RNF135: variants seen among roughly 807,000 people sequenced by gnomAD.
RNF135 encodes E3 ubiquitin-protein ligase RNF135.
A neutral mutation model predicts 41.9 loss-of-function variants in RNF135; 46 were observed. The ratio of observed to expected loss-of-function variants is 1.10; its 90% CI spans 0.87 to 1.40. The LOEUF is 1.40. Ranked by LOEUF, RNF135 falls within the 40% of genes most tolerant of loss-of-function variation. The pLI, the probability that RNF135 is intolerant of heterozygous loss-of-function variation, is 0.00. For missense variants in RNF135, 539 were observed against 549.8 expected, an observed-to-expected ratio of 0.98 and a Z score of 0.20; for synonymous variants, 238 against 223.8, an observed-to-expected ratio of 1.06 and a Z score of -0.57.
chr17:30,967,665 G>A (rs1368474973), upstream of RNF135, among the ~76,000 whole-genome samples: 1 of 151,558 alleles, frequency 6.6e-6, no homozygotes, highest in Admixed American at 6.6e-5. Context: ...AAATGGAATG[G>A]AAATACAAGT....
At chr17:30,962,711 G>GAT in the RNF135 span, among the ~76,000 whole-genome samples, 13 of 145,266 alleles carry the variant, frequency 8.9e-5, no homozygotes, top group East Asian at 2.1e-3. Flanking sequence ...TGATCTGCCT[G>GAT]CCTGGGCCTC....
In RNF135 at chr17:30,998,791, GC is replaced by G. The variant is rs773691749; in HGVS notation, c.901del (p.Gln301ArgfsTer34). ...TGGAGCTGTGAGAGGTTTTCTACCA[GC>G]CAGGTCTTATGTTCCCAGGCCCTGT... ...YRWSCERFSTSQVLCSQALSS... is the reference protein window; with the variant it reads ...YRWSCERFSTXQVLCSQALSS... On this transcript the variant is annotated frameshift_variant, in exon 5 of 5. Coordinates refer to ENST00000328381, the MANE Select transcript of RNF135 (RefSeq NM_032322.4). LOFTEE classifies it high-confidence loss of function. The G allele has an allele frequency of 3.9e-4, 631 of 1,613,308 alleles. No individual in the cohort carries two copies. The highest frequency in any genetic ancestry group is 5.2e-4 in the Non-Finnish European group (608 of 1,179,790).
chr17:30,975,103 G>C (rs539221565), intron 1 of RNF135, among the ~76,000 whole-genome samples: 4 of 151,344 alleles, frequency 2.6e-5, no homozygotes, highest in African/African-American at 9.7e-5. Context: ...AGCCTGGGCA[G>C]CATGGTGAGA....
In RNF135 at chr17:30,971,299, A is replaced by C. The variant is rs1905899121; in HGVS notation, c.226A>C (p.Thr76Pro). The C allele has an allele frequency of 2.0e-6, 3 of 1,530,408 alleles. No individual in the cohort carries two copies. The highest frequency in any genetic ancestry group is 1.8e-6 in the Non-Finnish European group (2 of 1,142,346). 94.8% of individuals were successfully genotyped at this position (1,530,408 alleles called of 1,614,324 possible). A position where few individuals can be genotyped will look rare whatever the true frequency, so the allele number is the denominator to read the frequency against. The stretch of plus-strand genomic sequence containing the variant: ...GCAGCAGCCGCACCTGCGGAAGAAC[A>C]CGCTACTGCAGGACCTGGCCGACAA... ...AAQQPHLRKN[T>P]LLQDLADKYR... is the part of the protein sequence containing the mutation. The change falls in exon 1 of 5, where the codon ACG becomes CCG. Residue 76 changes from threonine (T) to proline (P), a missense_variant. By Grantham distance (38) the Thr-to-Pro change is conservative. Around this residue, in one of 2 missense-constraint regions of RNF135, gnomAD observed 277 missense variants for 212.8 expected, o/e 1.30. Transcript: ENST00000328381.
rs1905851109 is a variant in RNF135, at chr17:30,971,040, A to G, written c.-34A>G. 6 of 1,532,810 alleles carry G rather than the reference A, an allele frequency of 3.9e-6. No individual in the cohort carries two copies. The East Asian group carries it at 1.5e-4, about 38-fold the overall frequency. 95.0% of individuals were successfully genotyped at this position (1,532,810 alleles called of 1,614,324 possible). A position where few individuals can be genotyped will look rare whatever the true frequency, so the allele number is the denominator to read the frequency against. ...AGCCTGAGGAGACTCGCCCGGCTCAACCCCGACGTCCGCGCCCCGGCCGCC... is the reference window on the plus strand; with the variant it reads ...AGCCTGAGGAGACTCGCCCGGCTCAGCCCCGACGTCCGCGCCCCGGCCGCC... On this transcript the variant is annotated 5_prime_UTR_variant, in exon 1 of 5. Coordinates refer to ENST00000328381, the MANE Select transcript of RNF135 (RefSeq NM_032322.4).
chr17:30,970,905 G>A, upstream of RNF135: 2 of 960,404 alleles, frequency 2.1e-6, no homozygotes, highest in East Asian at 2.7e-5. Flanking sequence ...GAGGCTCTAA[G>A]TCTGTTTTCA....
chr17:30,997,494 A>G, intron 4 of RNF135, 163 bp downstream of exon 4: 1 of 698,726 alleles, frequency 1.4e-6, no homozygotes, highest in East Asian at 3.0e-5. Context: ...AAGGCAAAGC[A>G]GGTTGAGACT....
chr17:30,980,723 C>T (rs1243187401), intron 1 of RNF135, among the ~76,000 whole-genome samples: 5 of 136,288 alleles, frequency 3.7e-5, no homozygotes, highest in Admixed American at 7.2e-5. Context: ...ACATCCCAGA[C>T]AGGGCGGTGG....
chr17:30,983,333 ATATATATATATATATATATATTTT>A (rs1907308710), intron 1 of RNF135, among the ~76,000 whole-genome samples: 4 of 26,472 alleles, frequency 1.5e-4, no homozygotes, highest in Admixed American at 8.7e-4. Context: ...ATATATATAT[ATATATATATATATATATATATTTT>A]TTTTTTTTTT....
At chr17:30,971,469 C>G (rs1411725429) in intron 1 of RNF135, 24 bp downstream of exon 1, 1 of 1,475,624 alleles carries the variant, frequency 6.8e-7, no homozygotes, top group South Asian at 1.3e-5. Context: ...GCCCGCAGCT[C>G]CCCTGGCTCC....
chr17:30,971,725 C>T, intron 1 of RNF135: 1 of 1,305,850 alleles, frequency 7.7e-7, no homozygotes, highest in Non-Finnish European at 9.7e-7. Context: ...CGGTCTCTTT[C>T]TCTGAAACTT....
chr17:30,979,267 G>C (rs1206492144), intron 1 of RNF135: 1 of 143,462 alleles, frequency 7.0e-6, no homozygotes, highest in African/African-American at 2.7e-5. Flanking sequence ...CCCGGACGGG[G>C]CGGCTGGCCA....
the RNF135 span, among the ~76,000 whole-genome samples, chr17:30,963,598 G>A: frequency 6.6e-6 from 1 of 151,868 alleles, no homozygotes; most frequent in Non-Finnish European, 1.5e-5. Flanking sequence ...TGGGTGGTTT[G>A]CTTTTTCTAC....
chr17:30,995,183 C>T (rs1293154347), intron 3 of RNF135, among the ~76,000 whole-genome samples: 3 of 151,748 alleles, frequency 2.0e-5, no homozygotes, highest in African/African-American at 4.8e-5. Flanking sequence ...GTCAGGAGAT[C>T]GAGATCATCC....
chr17:30,974,023 A>T (rs545527819), intron 1 of RNF135, among the ~76,000 whole-genome samples: 2 of 151,942 alleles, frequency 1.3e-5, no homozygotes, highest in East Asian at 3.9e-4. Flanking sequence ...TCATCTAGAG[A>T]TGAAACCCCA....
intron 1 of RNF135, among the ~76,000 whole-genome samples, chr17:30,979,799 G>A (rs1437162612): frequency 8.5e-5 from 10 of 117,178 alleles, no homozygotes; most frequent in Admixed American, 1.6e-4. Flanking sequence ...GCGGCTGGCC[G>A]GGCGGGGGGC....
intron 1 of RNF135, chr17:30,975,291 C>A: frequency 1.7e-6 from 1 of 598,960 alleles, no homozygotes; most frequent in Non-Finnish European, 3.0e-6. Context: ...TCACTGCACT[C>A]CAGCCTGGGC....
rs369761172 is a variant in RNF135, at chr17:30,997,260, C to T, written c.698C>T (p.Pro233Leu). The change falls in exon 4 of 5, where the codon CCG (proline) becomes CTG (leucine). Residue 233 changes from proline (P) to leucine (L), a missense_variant. Around this residue, in one of 2 missense-constraint regions of RNF135, gnomAD observed 262 missense variants for 336.9 expected, o/e 0.78. Transcript: ENST00000328381. Reference protein sequence around the residue: ...AQMQGELLEAPSSSSCPLPDQ... With the variant: ...AQMQGELLEALSSSSCPLPDQ... ...TACTTAGGAGAACTCCTGGAAGCCCCGTCTTCCTCCTCATGCCCATTGCCT... is the reference window on the plus strand; with the variant it reads ...TACTTAGGAGAACTCCTGGAAGCCCTGTCTTCCTCCTCATGCCCATTGCCT... 2.7e-5 allele frequency: 44 copies of T among 1,613,890 alleles called. No homozygotes were observed. The highest frequency in any genetic ancestry group is 3.3e-4 in the Middle Eastern group (2 of 6,056).
At chr17:30,983,345 ATATATATATTT>A (rs1249366979) in intron 1 of RNF135, among the ~76,000 whole-genome samples, 13 of 34,172 alleles carry the variant, frequency 3.8e-4, no homozygotes, top group African/African-American at 1.1e-3. Context: ...ATATATATAT[ATATATATATTT>A]TTTTTTTTTT....
Sources: allele counts gnomAD v4.1 joint callset (sites outside exome capture counted in the v4.1 genomes callset), GRCh38; gene constraint gnomAD v4.1.1; regional missense constraint gnomAD v4.1.1; transcripts MANE v1.5; gene names NCBI Gene and HGNC (gene_info 2026-07-23, HGNC 2026-07-21).